Variants in GNPTAB observed in about 807,000 individuals in gnomAD.
GNPTAB encodes the protein N-acetylglucosamine-1-phosphate transferase subunits alpha and beta, also known as N-acetylglucosamine-1-phosphotransferase subunits alpha/beta.
Under a neutral mutation model 136.6 loss-of-function variants are expected in GNPTAB, and 92 were observed. The observed-to-expected ratio is 0.67, with a 90% CI of 0.57 to 0.80. GNPTAB has a LOEUF of 0.80. GNPTAB is among the 30% of genes least tolerant of loss of function. The pLI is 0.00. For synonymous variants in GNPTAB, 512 were observed against 535.1 expected (o/e 0.96, Z 0.60); for missense variants, 1,343 against 1,501.8 (o/e 0.89, Z 1.75).
chr12:101,791,182 G>A (rs1594238505), intron 2 of GNPTAB, among the ~76,000 whole-genome samples: 1 of 152,306 alleles, frequency 6.6e-6, no homozygotes, highest in South Asian at 2.1e-4. Flanking sequence ...TCTTGAGTAT[G>A]TTGTTTAAGC....
intron 1 of GNPTAB, among the ~76,000 whole-genome samples, chr12:101,802,108 G>A (rs1869670005): frequency 1.3e-5 from 2 of 150,392 alleles, no homozygotes; most frequent in African/African-American, 4.9e-5. Context: ...TAAGGTGGGA[G>A]GATCACTTTA....
In GNPTAB at chr12:101,759,232, G is replaced by A. The variant is rs183532003; in HGVS notation, c.3249+798C>T. ...CAAAAAATTAGCCGGGCGTGGTGGC[G>A]GGCGCCTGTAGTCCCAGCTACTCAG... is the stretch of plus-strand genomic sequence containing the variant. On this transcript the variant is annotated intron_variant, in intron 16 of 20. Coordinates refer to ENST00000299314, the MANE Select transcript of GNPTAB (RefSeq NM_024312.5). Among the ~76,000 whole-genome samples, 3,327 of 151,816 alleles carry A rather than the reference G, an allele frequency of 0.022. 336 individuals carry two copies. The East Asian group carries it at 0.31, about 14-fold the overall frequency.
intron 1 of GNPTAB, among the ~76,000 whole-genome samples, chr12:101,814,517 T>C (rs1464471365): frequency 6.6e-6 from 1 of 151,924 alleles, no homozygotes; most frequent in Admixed American, 6.6e-5. Context: ...GCCAACATGG[T>C]GAAACCCTGT....
intron 1 of GNPTAB, among the ~76,000 whole-genome samples, chr12:101,797,290 A>C (rs1447139480): frequency 1.3e-5 from 2 of 152,064 alleles, no homozygotes; most frequent in Non-Finnish European, 2.9e-5. Context: ...TCTAAAGTTT[A>C]GGAAAGACTC....
At chr12:101,784,586 T>A (rs768537274) in intron 5 of GNPTAB, among the ~76,000 whole-genome samples, 2 of 151,572 alleles carry the variant, frequency 1.3e-5, no homozygotes, top group Non-Finnish European at 2.9e-5. Context: ...GGACTTTACA[T>A]AGACAGAGCA....
At chr12:101,805,851 T>C (rs764518296) in intron 1 of GNPTAB, among the ~76,000 whole-genome samples, 2 of 152,188 alleles carry the variant, frequency 1.3e-5, no homozygotes, top group African/African-American at 4.8e-5. Context: ...GAAATTATCA[T>C]AGATCCACCC....
chr12:101,774,022 T>C (rs969820122), intron 7 of GNPTAB, among the ~76,000 whole-genome samples: 1 of 152,248 alleles, frequency 6.6e-6, no homozygotes, highest in African/African-American at 2.4e-5. Flanking sequence ...AATAAAGCTT[T>C]GTTGTTTTTA....
rs368031897 is a variant in GNPTAB, at chr12:101,764,474, T to C, written c.2443A>G (p.Arg815Gly). ...TGGGTGTGAGTTTCCACTCTAAATC[T>C]TGCTGTGGTCTCCAAGTCCAGGGGT... ...NPPLDLETTA[R>G]FRVETHTQKT... Residue 815 changes from arginine (R) to glycine (G), a missense_variant, in exon 13 of 21, where the codon AGA becomes GGA. By Grantham distance (125) the Arg-to-Gly change is moderately radical (BLOSUM62 -2). Transcript: ENST00000299314. 5.6e-6 allele frequency: 9 copies of C among 1,613,760 alleles called. No homozygotes were observed. Among genetic ancestry groups the C allele is most frequent in the East Asian group, 2.2e-5 (1 of 44,890 alleles).
At chr12:101,768,249 T>G in intron 10 of GNPTAB, 89 bp from the exon 11 acceptor site, 1 of 1,444,336 alleles carries the variant, frequency 6.9e-7, no homozygotes, top group South Asian at 1.2e-5. Context: ...AAAAAGAAAT[T>G]AAGTCTCTAG....
chr12:101,764,051 T>C (rs868217971), intron 13 of GNPTAB, 151 bp downstream of exon 13: 8 of 986,750 alleles, frequency 8.1e-6, no homozygotes, highest in African/African-American at 1.6e-5. Context: ...ATTAGGGTTA[T>C]TGGGTAAATT....
At position 101,830,565 on chromosome 12, in the gene GNPTAB, G is replaced by T; in HGVS notation, c.111C>A (p.Phe37Leu). Reference sequence around the variant, plus strand: ...CTGCGGCGCCGCTACTCACCTCTCCGAACTGGAAGGCGGAGACGATGGTGA... The same window carrying T: ...CTGCGGCGCCGCTACTCACCTCTCCTAACTGGAAGGCGGAGACGATGGTGA... ...VVVTIVSAFQ[F>L]GEVVLEWSRD... The change falls in exon 1 of 21, where the codon TTC becomes TTA. Residue 37 changes from phenylalanine (F) to leucine (L), a missense_variant. Phe to Leu is a conservative substitution (Grantham distance 22). Coordinates refer to ENST00000299314, the MANE Select transcript of GNPTAB (RefSeq NM_024312.5). 1 of 1,606,650 alleles carries T rather than the reference G, an allele frequency of 6.2e-7. No homozygotes were observed. Among genetic ancestry groups the T allele is most frequent in the Non-Finnish European group, 8.5e-7 (1 of 1,174,330 alleles).
intron 1 of GNPTAB, among the ~76,000 whole-genome samples, chr12:101,815,894 C>T (rs957626272): frequency 2.6e-5 from 4 of 152,256 alleles, no homozygotes; most frequent in African/African-American, 9.6e-5. Context: ...AATAAATCCA[C>T]AGATTTACAG....
At chr12:101,786,302 A>C (rs1222407515) in intron 4 of GNPTAB, 85 bp from the exon 5 acceptor site, 1 of 1,065,912 alleles carries the variant, frequency 9.4e-7, no homozygotes. Context: ...TAAATTTTTC[A>C]GATTTTTTTA....
rs1414333083 is a variant in GNPTAB at position 101,766,161 on chromosome 12, G to A, written c.1542C>T (p.Leu514=). The A allele has an allele frequency of 2.5e-5, 41 of 1,614,032 alleles. No homozygotes were observed. Among genetic ancestry groups the A allele is most frequent in the Non-Finnish European group, 3.2e-5 (38 of 1,179,982 alleles). The change falls in exon 12 of 21, where the codon CTC becomes CTT. Residue 514 remains leucine (L), a synonymous_variant. Coordinates refer to ENST00000299314, the MANE Select transcript of GNPTAB (RefSeq NM_024312.5). ...ATGCTTGGTCACAGAACTTATCAGCGAGCCAGGAATTCGCACATCCCTGAT... is the reference window on the plus strand; with the variant it reads ...ATGCTTGGTCACAGAACTTATCAGCAAGCCAGGAATTCGCACATCCCTGAT... ...YCNQGCANSW[L]ADKFCDQACN...
intron 6 of GNPTAB, 121 bp from the exon 7 acceptor site, chr12:101,780,407 G>A: frequency 8.4e-7 from 1 of 1,190,130 alleles, no homozygotes; most frequent in Non-Finnish European, 1.2e-6. Flanking sequence ...ATGATTTTTA[G>A]GATTACTTGA....
intron 1 of GNPTAB, among the ~76,000 whole-genome samples, chr12:101,812,474 G>A (rs1034949695): frequency 6.6e-6 from 1 of 152,146 alleles, no homozygotes; most frequent in Non-Finnish European, 1.5e-5. Context: ...CTCAAAGTTG[G>A]GCTGGGCACA....
chr12:101,777,291 C>T (rs1029372296), intron 7 of GNPTAB, among the ~76,000 whole-genome samples: 5 of 152,198 alleles, frequency 3.3e-5, no homozygotes, highest in African/African-American at 1.2e-4. Flanking sequence ...CACACCTTTC[C>T]CTAGTATGTT....
intron 10 of GNPTAB, 100 bp downstream of exon 10, chr12:101,769,921 A>G: frequency 1.7e-6 from 2 of 1,177,890 alleles, no homozygotes; most frequent in Admixed American, 1.7e-5. Context: ...GTGAGCCACC[A>G]TGTCTGGCCT....
chr12:101,755,749 A>G lies in GNPTAB; in HGVS notation c.3434+1463T>C, dbSNP rs75838765. On this transcript the variant is annotated intron_variant, in intron 18 of 20. Coordinates refer to ENST00000299314, the MANE Select transcript of GNPTAB (RefSeq NM_024312.5). ...AGCCTTCGTCGAAATAAAACAAAAC[A>G]ACATAAACAAGGGTTAATGATAAAA... Among the ~76,000 whole-genome samples, 316 of 152,344 alleles carry G rather than the reference A, an allele frequency of 2.1e-3. 1 individual carries two copies. Among genetic ancestry groups the G allele is most frequent in the African/African-American group, 7.4e-3 (306 of 41,590 alleles).
Sources: gnomAD v4.1 joint callset for allele counts (sites outside exome capture counted in the v4.1 genomes callset) on GRCh38, gnomAD v4.1.1 for gene constraint, MANE v1.5 for transcripts, NCBI Gene and HGNC (gene_info 2026-07-23, HGNC 2026-07-21) for gene names.